Variants in HNRNPUL2 observed in about 807,000 individuals in gnomAD.
HNRNPUL2 encodes the protein heterogeneous nuclear ribonucleoprotein U like 2, also known as heterogeneous nuclear ribonucleoprotein U-like protein 2.
HNRNPUL2 carries 27 observed loss-of-function variants against 102.2 expected under a neutral mutation model. That is an observed-to-expected ratio of 0.26 (90% CI 0.19 to 0.36). The LOEUF is 0.36. Ranked by LOEUF, HNRNPUL2 falls within the 10% of genes least tolerant of loss-of-function variation. The pLI, the probability that HNRNPUL2 is intolerant of heterozygous loss-of-function variation, is 1.00. For synonymous variants in HNRNPUL2, 458 were observed against 387.2 expected (o/e 1.18, Z -2.15); for missense variants, 936 against 981.1 (o/e 0.95, Z 0.61).
At chr11:62,721,155 A>G in intron 9 of HNRNPUL2, 140 bp downstream of exon 9, 1 of 707,950 alleles carries the variant, frequency 1.4e-6, no homozygotes. Flanking sequence ...AATTAGGGGT[A>G]CCTCTGAGTT....
chr11:62,716,348 A>T (rs2083660270), intron 11 of HNRNPUL2, among the ~76,000 whole-genome samples: 1 of 152,212 alleles, frequency 6.6e-6, no homozygotes, highest in South Asian at 2.1e-4. Flanking sequence ...CAGCTCCTCA[A>T]GGGCGGGAAC....
rs943663517 is a variant in HNRNPUL2, at chr11:62,723,525, T to G, written c.891+62A>C. On this transcript the variant is annotated intron_variant, in intron 4 of 13. Coordinates refer to ENST00000301785, the MANE Select transcript of HNRNPUL2 (RefSeq NM_001079559.3). ...AGAGATAATAATCTTCTTTTCCCCCTCTAAGAACCGTAAGCATCCAGTAAT... is the reference window on the plus strand; with the variant it reads ...AGAGATAATAATCTTCTTTTCCCCCGCTAAGAACCGTAAGCATCCAGTAAT... 6.8e-6 allele frequency: 10 copies of G among 1,478,346 alleles called. No individual in the cohort carries two copies. The African/African-American group carries it at 1.4e-4, about 21-fold the overall frequency. The allele number at this position is 1,478,346 out of a possible 1,614,324, so 91.6% of individuals were successfully genotyped here.
At chr11:62,719,580 C>G (rs1274601559) in intron 10 of HNRNPUL2, among the ~76,000 whole-genome samples, 4 of 152,216 alleles carry the variant, frequency 2.6e-5, no homozygotes, top group Non-Finnish European at 5.9e-5. Flanking sequence ...TGTAGAGTGT[C>G]ACTCCAGTTG....
Position 62,720,211 on chromosome 11 carries a change from C to G in HNRNPUL2, c.1612-20G>C. 6.2e-7 allele frequency: 1 copy of G among 1,609,678 alleles called. No individual in the cohort carries two copies. The highest frequency in any genetic ancestry group is 8.5e-7 in the Non-Finnish European group (1 of 1,176,140). ...ATTACACTAAGAACAGGAGGAATAA[C>G]TGATGTTTAGGAAGAAAATTATCAC... On this transcript the variant is annotated intron_variant, in intron 9 of 13. Coordinates refer to ENST00000301785, the MANE Select transcript of HNRNPUL2 (RefSeq NM_001079559.3).
Position 62,720,202 on chromosome 11 carries a change from G to C in HNRNPUL2, c.1612-11C>G. On this transcript the variant is annotated splice_polypyrimidine_tract_variant and intron_variant, in intron 9 of 13. Transcript: ENST00000301785. ...ATTGTACACATTACACTAAGAACAG[G>C]AGGAATAACTGATGTTTAGGAAGAA... 1 of 1,611,610 alleles carries C rather than the reference G, an allele frequency of 6.2e-7. No individual in the cohort carries two copies.
In HNRNPUL2 at chr11:62,722,806, A is replaced by AG; in HGVS notation, c.982+6_982+7insC. On this transcript the variant is annotated splice_region_variant and intron_variant, in intron 5 of 13. Transcript: ENST00000301785. Reference sequence around the variant, plus strand: ...CACTAATGAGGAACTTAAAGAAATAACTTTACCAAGCTGTGGACGGGAAAA... The same window carrying AG: ...CACTAATGAGGAACTTAAAGAAATAAGCTTTACCAAGCTGTGGACGGGAAAA... 6.2e-7 allele frequency: 1 copy of AG among 1,613,678 alleles called. No individual in the cohort carries two copies. The highest frequency in any genetic ancestry group is 1.3e-5 in the African/African-American group (1 of 74,998).
At chr11:62,720,370 A>G (rs1202022566) in intron 9 of HNRNPUL2, among the ~76,000 whole-genome samples, 179 bp from the exon 10 acceptor site, 1 of 151,950 alleles carries the variant, frequency 6.6e-6, no homozygotes, top group Non-Finnish European at 1.5e-5. Context: ...ACATGGTGAA[A>G]CCTCATCTAT....
At chr11:62,716,047 G>A (rs1319981693) in intron 11 of HNRNPUL2, 110 bp from the exon 12 acceptor site, 1 of 736,130 alleles carries the variant, frequency 1.4e-6, no homozygotes, top group Non-Finnish European at 2.2e-6. Flanking sequence ...GGAATATGAG[G>A]CCTGCTTCGG....
chr11:62,724,009 AAAG>A lies in HNRNPUL2; in HGVS notation c.675-22_675-20del. On this transcript the variant is annotated intron_variant, in intron 2 of 13. Transcript: ENST00000301785. ...CTTTGAGCTATATATGTAAGATAGA[AAAG>A]AAACACAATGTAAACAAAGCCCTCT... 1 of 1,589,838 alleles carries A rather than the reference AAAG, an allele frequency of 6.3e-7. No homozygotes were observed. The highest frequency in any genetic ancestry group is 8.6e-7 in the Non-Finnish European group (1 of 1,158,606).
Position 62,726,945 on chromosome 11 carries a change from G to A in HNRNPUL2, c.212C>T (p.Pro71Leu), listed in dbSNP as rs760325484. 80 of 1,474,696 alleles carry A rather than the reference G, an allele frequency of 5.4e-5. No individual in the cohort carries two copies. In the Middle Eastern group the frequency reaches 1.7e-3, roughly 30 times the overall value. 91.4% of individuals were successfully genotyped at this position (1,474,696 alleles called of 1,614,324 possible). Reference protein sequence around the residue: ...PRPVAASGGGPGGDEEEDEEE... With the variant: ...PRPVAASGGGLGGDEEEDEEE... ...TTCGTCCTCCTCCTCGTCCCCGCCCGGGCCGCCGCCCGACGCGGCCACAGG... is the reference window on the plus strand; with the variant it reads ...TTCGTCCTCCTCCTCGTCCCCGCCCAGGCCGCCGCCCGACGCGGCCACAGG... The change falls in exon 1 of 14, where the codon CCG becomes CTG. Residue 71 changes from proline (P) to leucine (L), a missense_variant. By Grantham distance (98) the Pro-to-Leu change is moderately conservative (BLOSUM62 -3). Around this residue, in one of 2 missense-constraint regions of HNRNPUL2, gnomAD observed 327 missense variants for 268.1 expected, o/e 1.22. Transcript: ENST00000301785.
In HNRNPUL2 at chr11:62,722,917, A is replaced by C. The variant is rs748012741; in HGVS notation, c.892-14T>G. On this transcript the variant is annotated splice_polypyrimidine_tract_variant and intron_variant, in intron 4 of 13. Coordinates refer to ENST00000301785, the MANE Select transcript of HNRNPUL2 (RefSeq NM_001079559.3). ...ATTCTGGGTTACCTGGCCAAGTCAG[A>C]AAGGGAACTATTAGATATTGTGACC... 2.3e-5 allele frequency: 37 copies of C among 1,605,830 alleles called. No individual in the cohort carries two copies. The highest frequency in any genetic ancestry group is 1.1e-5 in the Non-Finnish European group (13 of 1,172,626).
intron 3 of HNRNPUL2, 76 bp from the exon 4 acceptor site, chr11:62,723,802 T>G (rs976322087): frequency 6.2e-7 from 1 of 1,603,344 alleles, no homozygotes; most frequent in African/African-American, 1.3e-5. Context: ...AGTATACCAG[T>G]TGTTGTAGTG....
chr11:62,723,562 T>A (rs1411398452), intron 4 of HNRNPUL2, 25 bp downstream of exon 4: 1 of 1,571,960 alleles, frequency 6.4e-7, no homozygotes, highest in Admixed American at 1.9e-5. Flanking sequence ...AATGAATGAA[T>A]GAATGAATGG....
At chr11:62,715,719 A>G (rs2083655384) in intron 12 of HNRNPUL2, 112 bp from the exon 13 acceptor site, 1 of 1,154,278 alleles carries the variant, frequency 8.7e-7, no homozygotes, top group Admixed American at 1.8e-5. Flanking sequence ...AAATTGGTTT[A>G]ATTTTCCCAT....
Position 62,720,124 on chromosome 11 carries a change from A to G in HNRNPUL2, c.1679T>C (p.Val560Ala). ...ATCTTCCTCATTAGGGACAACCACC[A>G]CCACTTTCCGAGAGAAGGTCTTGAA... The part of the protein sequence containing the change: ...LLFKTFSRKV[V>A]VVVPNEEDWK... The change falls in exon 10 of 14, where the codon GTG becomes GCG. Residue 560 changes from valine (V) to alanine (A), a missense_variant. Physicochemically the swap from Val to Ala is moderately conservative, Grantham distance 64 (BLOSUM62 0). Around this residue, in one of 2 missense-constraint regions of HNRNPUL2, gnomAD observed 609 missense variants for 713.0 expected, o/e 0.85. Coordinates refer to ENST00000301785, the MANE Select transcript of HNRNPUL2 (RefSeq NM_001079559.3). The G allele has an allele frequency of 1.2e-6, 2 of 1,614,046 alleles. No individual in the cohort carries two copies. The highest frequency in any genetic ancestry group is 1.7e-6 in the Non-Finnish European group (2 of 1,179,950).
chr11:62,718,395 T>C (rs565951791), intron 10 of HNRNPUL2, among the ~76,000 whole-genome samples: 13 of 152,270 alleles, frequency 8.5e-5, no homozygotes, highest in Admixed American at 5.2e-4. Context: ...TATTTTAATC[T>C]GAACCATAAT....
Position 62,727,074 on chromosome 11 carries a change from T to A in HNRNPUL2, c.83A>T (p.Asp28Val). ...RGLDSRGLKV[D>V]LAQRLQEALD... is the part of the protein sequence containing the mutation. ...CGCCTCCTGCAGCCGCTGCGCCAGA[T>A]CCACCTTGAGGCCGCGCGAGTCCAG... The change falls in exon 1 of 14, where the codon GAT (aspartate) becomes GTT (valine). Residue 28 changes from aspartate to valine, a missense_variant. Transcript: ENST00000301785. 1 of 1,434,772 alleles carries A rather than the reference T, an allele frequency of 7.0e-7. No individual in the cohort carries two copies. Among genetic ancestry groups the A allele is most frequent in the East Asian group, 3.1e-5 (1 of 32,152 alleles). 88.9% of individuals were successfully genotyped at this position (1,434,772 alleles called of 1,614,324 possible).
At chr11:62,726,587 G>C (rs995974879) in intron 1 of HNRNPUL2, 32 bp downstream of exon 1, 12 of 1,500,678 alleles carry the variant, frequency 8.0e-6, no homozygotes, top group Non-Finnish European at 1.1e-5. Flanking sequence ...CAGCCGGCAG[G>C]TTGGAGCCGG....
chr11:62,725,083 A>G (rs1329174580), intron 1 of HNRNPUL2, among the ~76,000 whole-genome samples: 1 of 152,206 alleles, frequency 6.6e-6, no homozygotes, highest in Non-Finnish European at 1.5e-5. Flanking sequence ...GTGTTGTTGT[A>G]TATTTAGCAA....
Sources: gnomAD v4.1 joint callset for allele counts (sites outside exome capture counted in the v4.1 genomes callset) on GRCh38, gnomAD v4.1.1 for gene constraint, gnomAD v4.1.1 regional missense constraint, MANE v1.5 for transcripts, NCBI Gene and HGNC (gene_info 2026-07-23, HGNC 2026-07-21) for gene names.